SORCS2: variants seen among roughly 807,000 people sequenced by gnomAD.
SORCS2 encodes the protein sortilin related VPS10 domain containing receptor 2.
In SORCS2, 100 loss-of-function variants were observed where a neutral mutation model predicts 141.6. The observed-to-expected ratio is 0.71, with a 90% CI of 0.60 to 0.83. The LOEUF is 0.83. Among genes scored for constraint, SORCS2 ranks in the 40% least tolerant of loss-of-function variants. The probability of loss-of-function intolerance (pLI) is 0.00; values close to 1 mark genes in which losing one functional copy is unlikely to be tolerated. For missense variants in SORCS2, 1,646 were observed against 1,560.2 expected (o/e 1.05, Z -0.93); for synonymous variants, 789 against 676.9 (o/e 1.17, Z -2.57).
chr4:7,356,893 C>T (rs1043419654), intron 1 of SORCS2, among the ~76,000 whole-genome samples: 79 of 152,338 alleles, frequency 5.2e-4, no homozygotes, highest in African/African-American at 1.8e-3. Context: ...CCAGGCTTGT[C>T]CTGGGGCGAC....
chr4:7,318,056 C>T lies in SORCS2; in HGVS notation c.481-78232C>T, dbSNP rs2878619. 2.0e-5 allele frequency among the ~76,000 whole-genome samples: 3 copies of T among 152,160 alleles called. No homozygotes were observed. The East Asian group carries it at 5.8e-4, about 29-fold the overall frequency. On this transcript the variant is annotated intron_variant, in intron 1 of 26. Coordinates refer to ENST00000507866, the MANE Select transcript of SORCS2 (RefSeq NM_020777.3). ...GTGAAGGACGCAGGGCAGACAGTCG[C>T]GTATCGTGCAAGGTGATACAGCAGC...
intron 2 of SORCS2, among the ~76,000 whole-genome samples, chr4:7,425,137 A>C (rs1056430262): frequency 2.0e-5 from 3 of 152,156 alleles, no homozygotes; most frequent in Non-Finnish European, 4.4e-5. Flanking sequence ...CCAGAGCCTC[A>C]GATCCTCCCA....
At chr4:7,636,057 C>G (rs1188375208) in intron 3 of SORCS2, among the ~76,000 whole-genome samples, 1 of 152,242 alleles carries the variant, frequency 6.6e-6, no homozygotes, top group Non-Finnish European at 1.5e-5. Flanking sequence ...ATAGTCGCCT[C>G]GTGCCATTGC....
At chr4:7,301,790 G>A (rs953972081) in intron 1 of SORCS2, among the ~76,000 whole-genome samples, 8 of 152,222 alleles carry the variant, frequency 5.3e-5, no homozygotes, top group Admixed American at 1.3e-4. Flanking sequence ...AAATGATGTC[G>A]CTCTGCATGT....
intron 17 of SORCS2, among the ~76,000 whole-genome samples, chr4:7,715,908 T>C (rs182551434): frequency 3.3e-5 from 5 of 152,324 alleles, no homozygotes; most frequent in Admixed American, 3.3e-4. Flanking sequence ...ATCACTCACC[T>C]AATTGTCCTC....
In SORCS2 at chr4:7,689,495, C is replaced by T; in HGVS notation, c.1498C>T (p.His500Tyr). ...KPTNCKPPDC[H>Y]LHLHLRWADN... ...TTTCTCTTCCTTGCAGCCAGACTGC[C>T]ACCTGCACCTGCACCTGCGCTGGGC... is the stretch of plus-strand genomic sequence containing the variant. The change falls in exon 11 of 27, where the codon CAC (histidine) becomes TAC (tyrosine). Residue 500 changes from histidine (H) to tyrosine (Y), a missense_variant. Transcript: ENST00000507866. The T allele has an allele frequency of 6.3e-7, 1 of 1,593,830 alleles. No individual in the cohort carries two copies. Among genetic ancestry groups the T allele is most frequent in the East Asian group, 2.3e-5 (1 of 44,024 alleles).
chr4:7,392,894 C>A (rs553979653), intron 1 of SORCS2, among the ~76,000 whole-genome samples: 38 of 22,094 alleles, frequency 1.7e-3, no homozygotes, highest in African/African-American at 5.8e-3. Flanking sequence ...GGGCCCCTCC[C>A]AGTCGGGGGG....
chr4:7,206,199 C>T (rs901737098), intron 1 of SORCS2, among the ~76,000 whole-genome samples: 9 of 152,184 alleles, frequency 5.9e-5, no homozygotes, highest in East Asian at 1.9e-4. Context: ...CCAGTGTCCG[C>T]GTCTTCCCCA....
chr4:7,402,955 G>A (rs1724694530), intron 2 of SORCS2, among the ~76,000 whole-genome samples: 1 of 151,928 alleles, frequency 6.6e-6, no homozygotes, highest in African/African-American at 2.4e-5. Flanking sequence ...AAAAGCCCAT[G>A]TCATTTCCAG....
chr4:7,459,691 C>T (rs1283487237), intron 2 of SORCS2, among the ~76,000 whole-genome samples: 1 of 152,204 alleles, frequency 6.6e-6, no homozygotes, highest in Non-Finnish European at 1.5e-5. Context: ...CTCAGGAGGA[C>T]TTCCCAGCAT....
intron 1 of SORCS2, among the ~76,000 whole-genome samples, chr4:7,301,938 C>G (rs1157876325): frequency 6.6e-6 from 1 of 152,222 alleles, no homozygotes; most frequent in African/African-American, 2.4e-5. Flanking sequence ...CCTTCCAGCT[C>G]TTGCTGCACT....
intron 2 of SORCS2, among the ~76,000 whole-genome samples, chr4:7,524,564 C>A (rs1042056745): frequency 6.6e-6 from 1 of 151,774 alleles, no homozygotes; most frequent in African/African-American, 2.4e-5. Context: ...AGGAAGAGGT[C>A]AACAGGCTGC....
intron 1 of SORCS2, among the ~76,000 whole-genome samples, chr4:7,317,594 C>T (rs931173714): frequency 7.2e-5 from 11 of 152,188 alleles, no homozygotes; most frequent in Admixed American, 4.6e-4. Flanking sequence ...CATGGGCCTG[C>T]GGCACCTCTG....
intron 1 of SORCS2, among the ~76,000 whole-genome samples, chr4:7,330,407 C>A (rs530359954): frequency 6.6e-6 from 1 of 151,942 alleles, no homozygotes; most frequent in Non-Finnish European, 1.5e-5. Context: ...AAGGTGCCTG[C>A]GCCCTCTCTG....
At chr4:7,477,041 G>A (rs530634870) in intron 2 of SORCS2, among the ~76,000 whole-genome samples, 27 of 152,332 alleles carry the variant, frequency 1.8e-4, no homozygotes, top group African/African-American at 6.3e-4. Context: ...GCCAGGTTCT[G>A]ACTCCTCCCA....
intron 10 of SORCS2, among the ~76,000 whole-genome samples, chr4:7,683,339 C>CAG (rs1723665838): frequency 7.4e-6 from 1 of 134,900 alleles, no homozygotes; most frequent in African/African-American, 2.8e-5. Context: ...TGGCTGGGCT[C>CAG]CGCTGAGCGG....
intron 3 of SORCS2, among the ~76,000 whole-genome samples, chr4:7,533,620 C>A (rs1016316217): frequency 3.3e-5 from 5 of 152,206 alleles, no homozygotes; most frequent in Non-Finnish European, 7.3e-5. Context: ...GTCAGCCCTG[C>A]AGGCCACGTC....
intron 5 of SORCS2, among the ~76,000 whole-genome samples, chr4:7,659,662 GGA>G (rs1224590785): frequency 6.6e-6 from 1 of 152,244 alleles, no homozygotes; most frequent in African/African-American, 2.4e-5. Context: ...GGAAAAGCCA[GGA>G]GAGAGTGTCC....
rs1316200881 is a variant in SORCS2, at chr4:7,255,177, T to C, written c.480+62051T>C. Among the ~76,000 whole-genome samples the C allele has an allele frequency of 5.3e-5, 8 of 152,014 alleles. No homozygotes were observed. The East Asian group carries it at 1.6e-3, about 30-fold the overall frequency. On this transcript the variant is annotated intron_variant, in intron 1 of 26. Transcript: ENST00000507866. ...GCACTGAGCGGTCAGGTCAGGTTCC[T>C]GCCCTAGCGGAGGTGACAGTCCCAT... is the stretch of plus-strand genomic sequence containing the variant.
Sources: gnomAD v4.1 joint callset for allele counts (sites outside exome capture counted in the v4.1 genomes callset) on GRCh38, gnomAD v4.1.1 for gene constraint, MANE v1.5 for transcripts, NCBI Gene and HGNC (gene_info 2026-07-23, HGNC 2026-07-21) for gene names.